The following QKI variants were observed in gnomAD, a reference collection of about 807,000 sequenced individuals.
QKI encodes KH domain-containing RNA-binding protein QKI.
Under a neutral mutation model 39.0 loss-of-function variants are expected in QKI, and 10 were observed. The observed-to-expected ratio is 0.26, with a 90% CI of 0.16 to 0.43. QKI has a LOEUF of 0.43. Among genes scored for constraint, QKI ranks in the 20% least tolerant of loss-of-function variants. The pLI is 1.00. For synonymous variants in QKI, 204 were observed against 155.4 expected, an observed-to-expected ratio of 1.31 and a Z score of -2.33; for missense variants, 218 against 428.0, an observed-to-expected ratio of 0.51 and a Z score of 4.33.
At chr6:163,509,772 A>G (rs1240502041) in intron 3 of QKI, among the ~76,000 whole-genome samples, 1 of 152,152 alleles carries the variant, frequency 6.6e-6, no homozygotes, top group Non-Finnish European at 1.5e-5. Flanking sequence ...AAGGGAAGCT[A>G]AGGAACAAAA....
At chr6:163,545,497 G>T (rs1583197705) in intron 4 of QKI, among the ~76,000 whole-genome samples, 1 of 152,016 alleles carries the variant, frequency 6.6e-6, no homozygotes, top group East Asian at 1.9e-4. Flanking sequence ...TTTGCTTACC[G>T]TCTGTCCAGC....
chr6:163,482,343 T>G (rs1026611866), intron 3 of QKI, among the ~76,000 whole-genome samples: 10 of 152,170 alleles, frequency 6.6e-5, no homozygotes, highest in Non-Finnish European at 1.5e-4. Flanking sequence ...CACCACCCAG[T>G]ACACTTGTGA....
At chr6:163,515,350 G>T (rs9458843) in intron 3 of QKI, among the ~76,000 whole-genome samples, 10,867 of 151,980 alleles carry the variant, frequency 0.072, 439 homozygotes, top group South Asian at 0.091. Flanking sequence ...GGTCCTGTTT[G>T]TGGAAATTTC....
At chr6:163,417,904 G>A (rs893392976) in intron 1 of QKI, among the ~76,000 whole-genome samples, 5 of 152,088 alleles carry the variant, frequency 3.3e-5, no homozygotes, top group Admixed American at 1.3e-4. Flanking sequence ...TGGAATAAGC[G>A]GCTTCCTGTA....
chr6:163,565,161 C>T, intron 6 of QKI: 1 of 992,488 alleles, frequency 1.0e-6, no homozygotes, highest in Non-Finnish European at 1.2e-6. Flanking sequence ...AGGCTTGTGT[C>T]TGTTGCACAT....
chr6:163,482,608 C>T (rs1793159666), intron 3 of QKI, among the ~76,000 whole-genome samples: 1 of 143,518 alleles, frequency 7.0e-6, no homozygotes, highest in Non-Finnish European at 1.5e-5. Context: ...TAGAGTAGTT[C>T]ACAGAACTCA....
At chr6:163,449,477 A>C (rs1301785683) in intron 1 of QKI, among the ~76,000 whole-genome samples, 2 of 152,216 alleles carry the variant, frequency 1.3e-5, no homozygotes, top group Admixed American at 1.3e-4. Flanking sequence ...TATGTCTATA[A>C]CATCAGCATT....
At chr6:163,477,084 C>T (rs911921952) in intron 2 of QKI, among the ~76,000 whole-genome samples, 1 of 145,778 alleles carries the variant, frequency 6.9e-6, no homozygotes, top group Non-Finnish European at 1.5e-5. Context: ...GGCATGATTT[C>T]AGCTCACGGC....
chr6:163,423,489 CTG>C (rs1297930223), intron 1 of QKI: 1 of 152,198 alleles, frequency 6.6e-6, no homozygotes, highest in Non-Finnish European at 1.5e-5. Context: ...CTTCTGCCCT[CTG>C]TTCCATTTTG....
chr6:163,528,484 C>A (rs1228674024), intron 3 of QKI, among the ~76,000 whole-genome samples: 1 of 152,114 alleles, frequency 6.6e-6, no homozygotes, highest in Non-Finnish European at 1.5e-5. Flanking sequence ...CCTGACTTGA[C>A]TAAATCATGT....
chr6:163,573,444 A>G lies in QKI; in HGVS notation c.*2734A>G, dbSNP rs1783815146. 1 of 152,184 alleles carries G rather than the reference A, an allele frequency of 6.6e-6. No homozygotes were observed. Among genetic ancestry groups the G allele is most frequent in the South Asian group, 2.1e-4 (1 of 4,832 alleles). 9.4% of individuals were successfully genotyped at this position (152,184 alleles called of 1,614,324 possible). A position where few individuals can be genotyped will look rare whatever the true frequency, so the allele number is the denominator to read the frequency against. On this transcript the variant is annotated 3_prime_UTR_variant, in exon 8 of 8. Transcript: ENST00000361752. ...ATAACCAACCTATTGCCTATGAGAA[A>G]CATGTAAGATAATGTATTTACAGCC...
intron 3 of QKI, among the ~76,000 whole-genome samples, chr6:163,516,218 C>T (rs975332342): frequency 6.6e-6 from 1 of 152,108 alleles, no homozygotes; most frequent in Non-Finnish European, 1.5e-5. Context: ...ACATTGTACC[C>T]CTCAGTGTCT....
At chr6:163,415,357 G>T (rs1165507586) in intron 1 of QKI, 22 bp downstream of exon 1, 2 of 1,520,242 alleles carry the variant, frequency 1.3e-6, no homozygotes, top group Non-Finnish European at 1.8e-6. Flanking sequence ...CAGGGCCCCG[G>T]CCCCGGCCCG....
Position 163,574,613 on chromosome 6 carries a change from G to C in QKI, c.*3903G>C, listed in dbSNP as rs907770842. The C allele has an allele frequency of 6.6e-6, 1 of 152,084 alleles. No homozygotes were observed. The highest frequency in any genetic ancestry group is 2.4e-5 in the African/African-American group (1 of 41,416). The allele number at this position is 152,084 out of a possible 1,614,324, so 9.4% of individuals were successfully genotyped here. ...AAAAGTTGTATGTGATTAATTTCTT[G>C]CATGCAAATCAATTTAAGATTTCTT... On this transcript the variant is annotated 3_prime_UTR_variant, in exon 8 of 8. Transcript: ENST00000361752.
At chr6:163,565,712 G>T in intron 6 of QKI, 2 of 1,196,294 alleles carry the variant, frequency 1.7e-6, no homozygotes, top group Non-Finnish European at 2.1e-6. Context: ...AGTAAAACAT[G>T]ATATTGACCA....
chr6:163,428,388 T>G (rs1788569938), intron 1 of QKI, among the ~76,000 whole-genome samples: 1 of 152,222 alleles, frequency 6.6e-6, no homozygotes, highest in Admixed American at 6.5e-5. Context: ...TTTGTACGTT[T>G]TCTTTGTAAT....
intron 1 of QKI, among the ~76,000 whole-genome samples, chr6:163,416,164 T>G (rs1787473354): frequency 6.6e-6 from 1 of 151,790 alleles, no homozygotes; most frequent in Non-Finnish European, 1.5e-5. Flanking sequence ...CCGCCTGAGT[T>G]TGTAGGACAG....
intron 3 of QKI, among the ~76,000 whole-genome samples, chr6:163,533,809 A>G (rs1376484048): frequency 6.6e-6 from 1 of 152,164 alleles, no homozygotes; most frequent in East Asian, 1.9e-4. Flanking sequence ...TCCCCTTACA[A>G]TATGTGGATG....
In QKI at chr6:163,467,677, A is replaced by T. The variant is rs147590752; in HGVS notation, c.286-11103A>T. On this transcript the variant is annotated intron_variant, in intron 2 of 7. Transcript: ENST00000361752. ...TATTTTATAAATTAGCTATTTCTCCAGGAGATGTATTTAGCCACTTATTAA... is the reference window on the plus strand; with the variant it reads ...TATTTTATAAATTAGCTATTTCTCCTGGAGATGTATTTAGCCACTTATTAA... Among the ~76,000 whole-genome samples, 435 of 152,304 alleles carry T rather than the reference A, an allele frequency of 2.9e-3. 1 individual carries two copies. The highest frequency in any genetic ancestry group is 9.7e-3 in the African/African-American group (403 of 41,562).
Sources: gnomAD v4.1 joint callset for allele counts (sites outside exome capture counted in the v4.1 genomes callset) on GRCh38, gnomAD v4.1.1 for gene constraint, MANE v1.5 for transcripts, NCBI Gene and HGNC (gene_info 2026-07-23, HGNC 2026-07-21) for gene names.